The following SLC24A2 variants were observed in gnomAD, a reference collection of about 807,000 sequenced individuals.
SLC24A2 encodes the protein sodium/potassium/calcium exchanger 2.
In SLC24A2, 36 loss-of-function variants were observed where a neutral mutation model predicts 62.0. The observed-to-expected ratio is 0.58, with a 90% confidence interval of 0.44 to 0.77. SLC24A2 has a LOEUF of 0.77. SLC24A2 is among the 30% of genes least tolerant of loss of function. The pLI, the probability that SLC24A2 is intolerant of heterozygous loss-of-function variation, is 0.00. For missense variants in SLC24A2, 846 were observed against 817.9 expected (o/e 1.03, Z -0.42); for synonymous variants, 358 against 294.0 (o/e 1.22, Z -2.23).
chr9:20,174,236 T>C, the SLC24A2 span, among the ~76,000 whole-genome samples: 1 of 152,152 alleles, frequency 6.6e-6, no homozygotes, highest in African/African-American at 2.4e-5. Context: ...GACCTAAAAT[T>C]ATAAAAATTC....
chr9:20,130,345 G>C, the SLC24A2 span, among the ~76,000 whole-genome samples: 1 of 151,878 alleles, frequency 6.6e-6, no homozygotes, highest in African/African-American at 2.4e-5. Flanking sequence ...AAATAAAATA[G>C]ATGGCACGAT....
chr9:19,808,926 C>G, the SLC24A2 span, among the ~76,000 whole-genome samples: 8 of 152,114 alleles, frequency 5.3e-5, no homozygotes, highest in Non-Finnish European at 8.8e-5. The surrounding 1 kb of genome is among the most constrained non-coding windows in gnomAD (Gnocchi z 4.1). Flanking sequence ...AAAATGTTTT[C>G]TTACAGAAAT....
At chr9:19,871,192 C>T in the SLC24A2 span, among the ~76,000 whole-genome samples, 1 of 152,022 alleles carries the variant, frequency 6.6e-6, no homozygotes, top group African/African-American at 2.4e-5. Context: ...CATGTAATTC[C>T]ACTGCCTTCT....
intron 7 of SLC24A2, among the ~76,000 whole-genome samples, chr9:19,560,940 G>GAT (rs60637938): frequency 7.6e-6 from 1 of 130,916 alleles, no homozygotes; most frequent in Non-Finnish European, 1.7e-5. Context: ...GAGAGAGAGA[G>GAT]AGAGAGACAG....
At chr9:20,018,401 T>C in the SLC24A2 span, among the ~76,000 whole-genome samples, 1 of 152,180 alleles carries the variant, frequency 6.6e-6, no homozygotes, top group African/African-American at 2.4e-5. Flanking sequence ...GTAGAGGAAT[T>C]GCCACGAGGA....
chr9:19,970,036 C>G, the SLC24A2 span, among the ~76,000 whole-genome samples: 13 of 152,164 alleles, frequency 8.5e-5, no homozygotes, highest in African/African-American at 3.1e-4. Context: ...AGAAGGAATC[C>G]TCTACCTGAC....
chr9:19,550,044 C>A (rs1834767447), intron 8 of SLC24A2, 93 bp downstream of exon 8: 1 of 1,328,070 alleles, frequency 7.5e-7, no homozygotes, highest in Admixed American at 1.7e-5. Context: ...AGTGTACTTC[C>A]TTTTTCCTTT....
the SLC24A2 span, among the ~76,000 whole-genome samples, chr9:20,093,148 C>T: frequency 2.0e-5 from 3 of 151,502 alleles, no homozygotes; most frequent in Non-Finnish European, 4.4e-5. Flanking sequence ...CTCGACTCAC[C>T]GCCACCTCCA....
the SLC24A2 span, among the ~76,000 whole-genome samples, chr9:20,001,712 T>G: frequency 4.6e-5 from 7 of 152,282 alleles, no homozygotes; most frequent in South Asian, 1.5e-3. Flanking sequence ...TCTTTAAGAT[T>G]TGTTACATGG....
the SLC24A2 span, among the ~76,000 whole-genome samples, chr9:20,075,549 C>T: frequency 2.6e-5 from 4 of 152,148 alleles, no homozygotes; most frequent in African/African-American, 9.7e-5. Flanking sequence ...CAATTCACAC[C>T]TCACACTTCC....
At chr9:19,771,082 G>A (rs1348440177) in intron 2 of SLC24A2, among the ~76,000 whole-genome samples, 2 of 152,198 alleles carry the variant, frequency 1.3e-5, no homozygotes. Flanking sequence ...GCCGAGAGAA[G>A]GAAGCATCAT....
the SLC24A2 span, among the ~76,000 whole-genome samples, chr9:20,294,146 C>G: frequency 1.3e-5 from 2 of 152,110 alleles, no homozygotes; most frequent in African/African-American, 4.8e-5. Context: ...ACATCAGCAG[C>G]CTGCTACCCC....
intron 2 of SLC24A2, among the ~76,000 whole-genome samples, chr9:19,695,750 T>C (rs1222851759): frequency 6.7e-6 from 1 of 149,884 alleles, no homozygotes; most frequent in Admixed American, 6.6e-5. Flanking sequence ...GATAGATTAA[T>C]TATAGACTAT....
At chr9:19,955,377 G>GT in the SLC24A2 span, among the ~76,000 whole-genome samples, 69,810 of 143,238 alleles carry the variant, frequency 0.49, 17,106 homozygotes, top group Non-Finnish European at 0.55. Context: ...AAATTCTCAG[G>GT]TTTTTTTTTT....
At chr9:19,839,637 G>C in the SLC24A2 span, among the ~76,000 whole-genome samples, 1 of 152,282 alleles carries the variant, frequency 6.6e-6, no homozygotes, top group East Asian at 1.9e-4. Context: ...GAAAGTGACG[G>C]AGGAAGATCA....
At chr9:20,119,188 T>C in the SLC24A2 span, among the ~76,000 whole-genome samples, 1 of 152,172 alleles carries the variant, frequency 6.6e-6, no homozygotes, top group Non-Finnish European at 1.5e-5. Context: ...CTTTGCTTAG[T>C]TTAGCCTTCC....
At chr9:20,088,214 C>A in the SLC24A2 span, among the ~76,000 whole-genome samples, 1 of 152,244 alleles carries the variant, frequency 6.6e-6, no homozygotes, top group Non-Finnish European at 1.5e-5. Flanking sequence ...GGCCGCACTT[C>A]CATGGCATCT....
the SLC24A2 span, among the ~76,000 whole-genome samples, chr9:19,969,780 T>G: frequency 6.6e-6 from 1 of 152,214 alleles, no homozygotes; most frequent in Non-Finnish European, 1.5e-5. Flanking sequence ...TGTAAGTGAC[T>G]TGGTTAAAAT....
chr9:20,227,093 T>C, the SLC24A2 span, among the ~76,000 whole-genome samples: 3 of 152,170 alleles, frequency 2.0e-5, no homozygotes, highest in Non-Finnish European at 4.4e-5. Flanking sequence ...AAATCCCTTT[T>C]AGACTGTTTA....
Sources: gnomAD v4.1 joint callset for allele counts (sites outside exome capture counted in the v4.1 genomes callset) on GRCh38, gnomAD v4.1.1 for gene constraint, Gnocchi (gnomAD v3.1) non-coding constraint, MANE v1.5 for transcripts, NCBI Gene and HGNC (gene_info 2026-07-23, HGNC 2026-07-21) for gene names.